Variants in CDH13 observed in about 807,000 individuals in gnomAD.
The protein encoded by CDH13 is cadherin 13.
CDH13 carries 24 observed loss-of-function variants against 63.8 expected under a neutral mutation model. The observed-to-expected ratio is 0.38, with a 90% CI of 0.27 to 0.53. The LOEUF is 0.53. Among genes scored for constraint, CDH13 ranks in the 20% least tolerant of loss-of-function variants. The pLI is 0.85. For synonymous variants in CDH13, 503 were observed against 355.3 expected (o/e 1.42, Z -4.67); for missense variants, 1,049 against 903.1 (o/e 1.16, Z -2.07).
chr16:83,121,017 C>T (rs1188417971), intron 3 of CDH13, among the ~76,000 whole-genome samples: 1 of 152,166 alleles, frequency 6.6e-6, no homozygotes, highest in African/African-American at 2.4e-5. Flanking sequence ...CCGCCTCGGC[C>T]TCCCAAAGTG....
chr16:83,772,940 A>T (rs1381777255), intron 11 of CDH13: 1 of 152,230 alleles, frequency 6.6e-6, no homozygotes, highest in African/African-American at 2.4e-5. Flanking sequence ...AGAGAGATTG[A>T]ACTAACTCTG....
intron 1 of CDH13, among the ~76,000 whole-genome samples, chr16:82,812,361 A>C (rs1265471250): frequency 6.6e-6 from 1 of 152,158 alleles, no homozygotes; most frequent in Non-Finnish European, 1.5e-5. Context: ...CAAAGAAAAA[A>C]ATGAGCGAGA....
chr16:83,125,136 T>C (rs1425506256), intron 3 of CDH13, among the ~76,000 whole-genome samples: 1 of 152,232 alleles, frequency 6.6e-6, no homozygotes, highest in African/African-American at 2.4e-5. Flanking sequence ...AAATCAAGAC[T>C]GTCATTGTGA....
At chr16:83,611,306 G>A (rs1339415214) in intron 8 of CDH13, among the ~76,000 whole-genome samples, 1 of 151,930 alleles carries the variant, frequency 6.6e-6, no homozygotes, top group African/African-American at 2.4e-5. Flanking sequence ...GATGGTTAAT[G>A]TCATCTGTGC....
intron 1 of CDH13, among the ~76,000 whole-genome samples, chr16:82,816,060 A>C (rs1162578307): frequency 1.3e-5 from 2 of 152,124 alleles, no homozygotes; most frequent in African/African-American, 4.8e-5. Flanking sequence ...AAACAGGCTC[A>C]ATTTTGGTGA....
At chr16:83,702,793 A>C (rs1906443140) in intron 10 of CDH13, among the ~76,000 whole-genome samples, 1 of 152,186 alleles carries the variant, frequency 6.6e-6, no homozygotes, top group Non-Finnish European at 1.5e-5. Context: ...AGATGATAGG[A>C]GATGCAAAGG....
chr16:83,620,195 G>A (rs533219196), intron 8 of CDH13, among the ~76,000 whole-genome samples: 8 of 152,046 alleles, frequency 5.3e-5, no homozygotes, highest in South Asian at 2.1e-4. Context: ...GATGGAGACC[G>A]GCCTGGCCAA....
intron 10 of CDH13, among the ~76,000 whole-genome samples, chr16:83,701,755 A>T (rs1018589143): frequency 1.3e-5 from 2 of 151,736 alleles, no homozygotes; most frequent in African/African-American, 4.8e-5. Flanking sequence ...ATTGCCCAGC[A>T]CTCCTGCTAC....
intron 10 of CDH13, among the ~76,000 whole-genome samples, chr16:83,738,916 G>A (rs1007195692): frequency 6.6e-6 from 1 of 152,048 alleles, no homozygotes. Context: ...AAAACAAAAA[G>A]GGGGGGTTTA....
chr16:83,645,831 G>T (rs1911739391), intron 8 of CDH13, among the ~76,000 whole-genome samples: 1 of 152,100 alleles, frequency 6.6e-6, no homozygotes, highest in African/African-American at 2.4e-5. Flanking sequence ...GGTTTGCTTA[G>T]ACAGTGGAAA....
intron 3 of CDH13, among the ~76,000 whole-genome samples, chr16:83,093,113 A>T (rs1567822195): frequency 6.6e-6 from 1 of 152,008 alleles, no homozygotes; most frequent in Non-Finnish European, 1.5e-5. Flanking sequence ...CCATCTATAA[A>T]AGAAACCATT....
intron 6 of CDH13, among the ~76,000 whole-genome samples, chr16:83,480,004 A>G (rs917884413): frequency 3.3e-5 from 5 of 152,144 alleles, no homozygotes; most frequent in Non-Finnish European, 7.4e-5. Flanking sequence ...GCCTCCAACA[A>G]CCCATGAGAG....
chr16:83,332,025 A>AT, intron 5 of CDH13, among the ~76,000 whole-genome samples: 1 of 152,206 alleles, frequency 6.6e-6, no homozygotes, highest in Middle Eastern at 3.4e-3. Context: ...TTTCGGAAAG[A>AT]TTTTTTCATG....
At chr16:83,080,337 G>C (rs1197216792) in intron 3 of CDH13, among the ~76,000 whole-genome samples, 2 of 152,154 alleles carry the variant, frequency 1.3e-5, no homozygotes, top group Non-Finnish European at 2.9e-5. Flanking sequence ...TGTATGAAAA[G>C]CATAAAGAGA....
At chr16:83,547,774 T>A (rs1360454973) in intron 7 of CDH13, among the ~76,000 whole-genome samples, 2 of 152,104 alleles carry the variant, frequency 1.3e-5, no homozygotes, top group Middle Eastern at 6.3e-3. Context: ...CGTGCATGGG[T>A]CTTTGTGGTA....
intron 2 of CDH13, among the ~76,000 whole-genome samples, chr16:82,932,461 A>G (rs1376658678): frequency 6.6e-6 from 1 of 152,166 alleles, no homozygotes; most frequent in Non-Finnish European, 1.5e-5. Flanking sequence ...GAAAAATCTT[A>G]ACATTTTCCA....
At chr16:82,958,791 T>C (rs1906506254) in intron 2 of CDH13, among the ~76,000 whole-genome samples, 1 of 152,236 alleles carries the variant, frequency 6.6e-6, no homozygotes, top group South Asian at 2.1e-4. Flanking sequence ...GACGGTTAAC[T>C]TGGGGTCAAC....
At chr16:83,734,097 A>T (rs1911302646) in intron 10 of CDH13, among the ~76,000 whole-genome samples, 1 of 152,226 alleles carries the variant, frequency 6.6e-6, no homozygotes, top group South Asian at 2.1e-4. Flanking sequence ...TCATGAACCA[A>T]AAAACAGGGA....
At chr16:83,792,209 G>A (rs973955847) in intron 13 of CDH13, among the ~76,000 whole-genome samples, 4 of 152,254 alleles carry the variant, frequency 2.6e-5, no homozygotes, top group African/African-American at 4.8e-5. Flanking sequence ...TTGCAGAGGA[G>A]CTGTGGCCCC....
Sources: allele counts gnomAD v4.1 joint callset (sites outside exome capture counted in the v4.1 genomes callset), GRCh38; gene constraint gnomAD v4.1.1; transcripts MANE v1.5; gene names NCBI Gene and HGNC (gene_info 2026-07-23, HGNC 2026-07-21).